KY: variants seen among roughly 807,000 people sequenced by gnomAD.
The protein encoded by KY is kyphoscoliosis peptidase.
Under a neutral mutation model 76.1 loss-of-function variants are expected in KY, and 43 were observed. The ratio of observed to expected loss-of-function variants is 0.57; its 90% CI spans 0.44 to 0.73. The LOEUF (loss-of-function observed/expected upper bound fraction) is 0.73. KY is among the 30% of genes least tolerant of loss of function. KY has a pLI of 0.00. For synonymous variants in KY, 277 were observed against 326.2 expected, an observed-to-expected ratio of 0.85 and a Z score of 1.63; for missense variants, 722 against 828.9, an observed-to-expected ratio of 0.87 and a Z score of 1.58.
intron 8 of KY, among the ~76,000 whole-genome samples, chr3:134,614,461 T>G (rs1961130670): frequency 6.6e-6 from 1 of 152,032 alleles, no homozygotes. Context: ...TGGAGAAAGC[T>G]GCAGCCCCCA....
chr3:134,633,505 A>G (rs1964508010), intron 3 of KY, among the ~76,000 whole-genome samples: 1 of 152,152 alleles, frequency 6.6e-6, no homozygotes, highest in South Asian at 2.1e-4. Context: ...ACAAACTACT[A>G]GGATCACACC....
intron 2 of KY, 54 bp from the exon 3 acceptor site, chr3:134,643,432 G>T: frequency 6.8e-7 from 1 of 1,475,822 alleles, no homozygotes; most frequent in Non-Finnish European, 9.5e-7. Flanking sequence ...TTTTCCCCAG[G>T]CAGAGCAAAG....
intron 3 of KY, among the ~76,000 whole-genome samples, chr3:134,637,498 C>T (rs145353125): frequency 6.6e-6 from 1 of 152,188 alleles, no homozygotes; most frequent in South Asian, 2.1e-4. Context: ...GTAAAGAACT[C>T]TATTTGACCC....
chr3:134,633,721 T>C (rs1964541754), intron 3 of KY, among the ~76,000 whole-genome samples: 1 of 152,080 alleles, frequency 6.6e-6, no homozygotes. Flanking sequence ...CTCTCACTGA[T>C]CCTAATAATA....
At chr3:134,635,822 G>A (rs935980333) in intron 3 of KY, among the ~76,000 whole-genome samples, 3 of 152,070 alleles carry the variant, frequency 2.0e-5, no homozygotes, top group East Asian at 3.9e-4. Context: ...GATACAGAAC[G>A]ATATAAAGCA....
At chr3:134,614,635 C>T (rs1055603103) in intron 8 of KY, among the ~76,000 whole-genome samples, 2 of 152,106 alleles carry the variant, frequency 1.3e-5, no homozygotes, top group Admixed American at 6.5e-5. Flanking sequence ...AACCCTGAAG[C>T]TGCTGAGTCT....
chr3:134,623,479 C>A (rs1962971388), intron 6 of KY, among the ~76,000 whole-genome samples: 1 of 152,158 alleles, frequency 6.6e-6, no homozygotes, highest in Non-Finnish European at 1.5e-5. Flanking sequence ...TTCCCTTCTT[C>A]AATCAATGGC....
At chr3:134,615,176 C>T (rs1961306304) in intron 8 of KY, 1 of 152,366 alleles carries the variant, frequency 6.6e-6, no homozygotes, top group Non-Finnish European at 1.5e-5. Context: ...TAATAATTCT[C>T]TCTCCAGGGC....
At chr3:134,634,588 G>C (rs1964672522) in intron 3 of KY, among the ~76,000 whole-genome samples, 2 of 152,168 alleles carry the variant, frequency 1.3e-5, no homozygotes, top group Admixed American at 6.5e-5. Context: ...ATTAGGAAAA[G>C]GCAAGTTAAA....
At chr3:134,618,426 G>A (rs998363805) in intron 8 of KY, among the ~76,000 whole-genome samples, 10 of 152,310 alleles carry the variant, frequency 6.6e-5, no homozygotes, top group Middle Eastern at 3.4e-3. Context: ...CACCCCCTGG[G>A]GAGGGGTTCT....
chr3:134,618,788 C>A (rs1476995599), intron 8 of KY, among the ~76,000 whole-genome samples: 2 of 152,320 alleles, frequency 1.3e-5, no homozygotes, highest in African/African-American at 4.8e-5. Flanking sequence ...TGAGGACAGC[C>A]TTTCACAGTC....
In KY at chr3:134,622,543, C is replaced by T. The variant is rs149826238; in HGVS notation, c.484-1686G>A. ...TTCATAGACAGTAAGTAGAGATTAC[C>T]AGGGGCTGGGGGAGGAGAAATGGGA... On this transcript the variant is annotated intron_variant, in intron 6 of 10. Transcript: ENST00000423778. 6.6e-3 allele frequency among the ~76,000 whole-genome samples: 1,009 copies of T among 152,022 alleles called. 8 individuals are homozygous for T. Among genetic ancestry groups the T allele is most frequent in the African/African-American group, 0.023 (960 of 41,460 alleles).
At chr3:134,618,064 G>A (rs968402104) in intron 8 of KY, among the ~76,000 whole-genome samples, 5 of 152,130 alleles carry the variant, frequency 3.3e-5, no homozygotes, top group African/African-American at 4.8e-5. Flanking sequence ...CCGTGGCTGC[G>A]TCTGGGGCTG....
At chr3:134,635,587 G>C (rs1359117437) in intron 3 of KY, among the ~76,000 whole-genome samples, 1 of 149,304 alleles carries the variant, frequency 6.7e-6, no homozygotes, top group African/African-American at 2.5e-5. Flanking sequence ...TAATTTTAAA[G>C]AGGGAAATAG....
At chr3:134,608,176 G>C (rs1577590640) in intron 10 of KY, 2 of 1,168,120 alleles carry the variant, frequency 1.7e-6, no homozygotes, top group East Asian at 1.2e-4. Context: ...ATTCTCTCCA[G>C]CAGGAGTTGG....
Position 134,643,559 on chromosome 3 carries a change from G to A in KY, c.200-181C>T, listed in dbSNP as rs560649012. ...GCAAACCAGCACGACACTGTGCATG[G>A]AGACAAATGCCTGGAAGCCCCTGTG... On this transcript the variant is annotated intron_variant, in intron 2 of 10. Transcript: ENST00000423778. 7.9e-5 allele frequency among the ~76,000 whole-genome samples: 12 copies of A among 152,338 alleles called. No individual in the cohort carries two copies. The South Asian group carries it at 2.3e-3, about 29-fold the overall frequency.
At chr3:134,625,231 C>A in intron 5 of KY, 96 bp from the exon 6 acceptor site, 2 of 890,870 alleles carry the variant, frequency 2.2e-6, no homozygotes, top group South Asian at 1.4e-5. Context: ...TGTGACTGTC[C>A]AACCTTTAAC....
intron 8 of KY, among the ~76,000 whole-genome samples, chr3:134,612,332 G>A (rs552939657): frequency 3.9e-5 from 6 of 152,332 alleles, no homozygotes; most frequent in African/African-American, 1.4e-4. Context: ...AGCCACTCCA[G>A]GGCAGAAGGA....
At chr3:134,634,822 G>T (rs1964710290) in intron 3 of KY, among the ~76,000 whole-genome samples, 1 of 152,176 alleles carries the variant, frequency 6.6e-6, no homozygotes, top group African/African-American at 2.4e-5. Flanking sequence ...GCCCACATTT[G>T]GTTATATGTG....
Sources: allele counts gnomAD v4.1 joint callset (sites outside exome capture counted in the v4.1 genomes callset), GRCh38; gene constraint gnomAD v4.1.1; transcripts MANE v1.5; gene names NCBI Gene and HGNC (gene_info 2026-07-23, HGNC 2026-07-21).